Variants in TH observed in about 807,000 individuals in gnomAD.
TH encodes the protein tyrosine 3-monooxygenase.
TH carries 49 observed loss-of-function variants against 57.4 expected under a neutral mutation model. The ratio of observed to expected loss-of-function variants is 0.85; its 90% confidence interval spans 0.68 to 1.08. The LOEUF (loss-of-function observed/expected upper bound fraction) is 1.08. Ranked by LOEUF, TH falls within the 50% of genes least tolerant of loss-of-function variation. The pLI is 0.00. For missense variants in TH, 720 were observed against 696.7 expected, an observed-to-expected ratio of 1.03 and a Z score of -0.38; for synonymous variants, 330 against 304.5, an observed-to-expected ratio of 1.08 and a Z score of -0.87.
rs1846061735 is a variant in TH, at chr11:2,165,434, G to A, written c.1201-69C>T. On this transcript the variant is annotated intron_variant, in intron 11 of 12. Transcript: ENST00000352909. ...TCCCCGAGGGAACTGGGGCACCGTG[G>A]CCTGACGCTGGGTGGGTTCCTTGGG... is the stretch of plus-strand genomic sequence containing the variant. The A allele has an allele frequency of 3.8e-6, 6 of 1,597,664 alleles. No homozygotes were observed. In the South Asian group the frequency reaches 5.5e-5, roughly 15 times the overall value.
Position 2,165,659 on chromosome 11 carries a change from G to C in TH, c.1200+9C>G, listed in dbSNP as rs11564717. 1.2e-6 allele frequency: 2 copies of C among 1,612,442 alleles called. No individual in the cohort carries two copies. The highest frequency in any genetic ancestry group is 1.7e-5 in the Admixed American group (1 of 60,014). ...TCTGCTGGGGGCTGCAGCAAGGAGA[G>C]ACTCTCACCAGGAGCTCCCCGTAGG... is the stretch of plus-strand genomic sequence containing the variant. On this transcript the variant is annotated intron_variant, in intron 11 of 12. Transcript: ENST00000352909.
At chr11:2,165,786 C>G in intron 10 of TH, 23 bp from the exon 11 acceptor site, 1 of 1,607,572 alleles carries the variant, frequency 6.2e-7, no homozygotes, top group Non-Finnish European at 8.5e-7. Context: ...CGGGCAGCAT[C>G]AGCCCAGAGA....
At chr11:2,165,156 C>G in intron 12 of TH, 76 bp downstream of exon 12, 1 of 1,609,048 alleles carries the variant, frequency 6.2e-7, no homozygotes, top group Non-Finnish European at 8.5e-7. Flanking sequence ...TCCAGCCCTG[C>G]TCAAGGCCAG....
chr11:2,167,476 C>T lies in TH; in HGVS notation c.654G>A (p.Pro218=), dbSNP rs1489723629. 1.9e-6 allele frequency: 3 copies of T among 1,561,330 alleles called. No homozygotes were observed. Among genetic ancestry groups the T allele is most frequent in the East Asian group, 2.4e-5 (1 of 42,280 alleles). The change falls in exon 6 of 13, where the codon CCG becomes CCA. Residue 218 remains proline, a synonymous_variant. Transcript: ENST00000352909. ...CGGCGGTGTACTCCACACGGGGAATCGGGTCGCCGCTGGGGAGGGGGCCAG... is the reference window on the plus strand; with the variant it reads ...CGGCGGTGTACTCCACACGGGGAATTGGGTCGCCGCTGGGGAGGGGGCCAG... ...EIAFQYRHGD[P]IPRVEYTAEE... is the part of the protein sequence containing the mutation.
chr11:2,167,207 G>C, intron 6 of TH, 175 bp from the exon 7 acceptor site: 1 of 1,055,984 alleles, frequency 9.5e-7, no homozygotes, highest in Non-Finnish European at 1.4e-6. Flanking sequence ...GGGAATCCCA[G>C]GGGATAGGGG....
intron 12 of TH, 55 bp from the exon 13 acceptor site, chr11:2,164,447 C>A: frequency 6.5e-7 from 1 of 1,536,448 alleles, no homozygotes; most frequent in Non-Finnish European, 8.8e-7. Flanking sequence ...TCTGCAGCCT[C>A]CAGGAGAGGG....
chr11:2,165,122 T>TGCAG (rs2133688506), intron 12 of TH, 110 bp downstream of exon 12: 1 of 1,557,128 alleles, frequency 6.4e-7, no homozygotes, highest in African/African-American at 1.4e-5. Flanking sequence ...GTCGGTTTTC[T>TGCAG]CATCTGTGAC....
Position 2,164,179 on chromosome 11 carries a change from G to T in TH, c.*54C>A. ...AGCCCCTCACCAGGGCCTGAGCTCC[G>T]GGACAGTGCAGGACCAGGGGAGGTT... is the stretch of plus-strand genomic sequence containing the variant. On this transcript the variant is annotated 3_prime_UTR_variant, in exon 13 of 13. Coordinates refer to ENST00000352909, the MANE Select transcript of TH (RefSeq NM_000360.4). The T allele has an allele frequency of 1.5e-6, 2 of 1,346,594 alleles. No individual in the cohort carries two copies. Among genetic ancestry groups the T allele is most frequent in the East Asian group, 2.9e-5 (1 of 34,636 alleles). 83.4% of individuals were successfully genotyped at this position (1,346,594 alleles called of 1,614,324 possible). A position where few individuals can be genotyped will look rare whatever the true frequency, so the allele number is the denominator to read the frequency against.
chr11:2,163,931 G>A lies in TH; in HGVS notation c.*302C>T, dbSNP rs911394125. 2 of 277,496 alleles carry A rather than the reference G, an allele frequency of 7.2e-6. No homozygotes were observed. The allele number at this position is 277,496 out of a possible 1,614,324, so 17.2% of individuals were successfully genotyped here. On this transcript the variant is annotated 3_prime_UTR_variant, in exon 13 of 13. Coordinates refer to ENST00000352909, the MANE Select transcript of TH (RefSeq NM_000360.4). ...ACAGATGTGGGGCCAGGCAGGTGTA[G>A]AGACCACAGTTTCTTTTATTGTGAC... is the stretch of plus-strand genomic sequence containing the variant.
chr11:2,171,804 C>T lies in TH; in HGVS notation c.-18G>A, dbSNP rs370306636. ...GTGGGCATGGCTCAGTGTGGAGGTC[C>T]GGGCTCCGTCTCCACAGCCCTGGCC... On this transcript the variant is annotated 5_prime_UTR_variant, in exon 1 of 13. Transcript: ENST00000352909. This position sits in a 1 kb window ranked among gnomAD's most constrained non-coding sequence, Gnocchi z 8.6. 161 of 1,606,358 alleles carry T rather than the reference C, an allele frequency of 1.0e-4. No homozygotes were observed. The highest frequency in any genetic ancestry group is 1.1e-4 in the Non-Finnish European group (125 of 1,177,642).
Position 2,165,987 on chromosome 11 carries a change from G to T in TH, c.1104+15C>A. On this transcript the variant is annotated intron_variant, in intron 10 of 12. Coordinates refer to ENST00000352909, the MANE Select transcript of TH (RefSeq NM_000360.4). ...AAACCCACACCCCAGGCCCTGCAGG[G>T]AGGGGTCAACCCACCGTGGACAGCT... 6.4e-7 allele frequency: 1 copy of T among 1,559,552 alleles called. No individual in the cohort carries two copies. Among genetic ancestry groups the T allele is most frequent in the Non-Finnish European group, 8.7e-7 (1 of 1,151,848 alleles).
intron 6 of TH, 39 bp from the exon 7 acceptor site, chr11:2,167,071 C>A: frequency 6.4e-7 from 1 of 1,556,570 alleles, no homozygotes; most frequent in East Asian, 2.4e-5. Flanking sequence ...AATGCCCCAC[C>A]CCAGTGCCCG....
At position 2,171,101 on chromosome 11, in the gene TH, A is replaced by G. The variant is rs539910491; in HGVS notation, c.90+596T>C. Among the ~76,000 whole-genome samples, 1 of 91,320 alleles carries G rather than the reference A, an allele frequency of 1.1e-5. No homozygotes were observed. Among genetic ancestry groups the G allele is most frequent in the African/African-American group, 3.0e-5 (1 of 33,806 alleles). 59.9% of individuals were successfully genotyped at this position (91,320 alleles called of 152,430 possible). On this transcript the variant is annotated intron_variant, in intron 1 of 12. Coordinates refer to ENST00000352909, the MANE Select transcript of TH (RefSeq NM_000360.4). The surrounding 1 kb of genome is among the most constrained non-coding windows in gnomAD (Gnocchi z 8.6). ...GACTCCATGGTGAATGAATGAATGA[A>G]TGAATGAATGAATGAGGGAAATAAG...
At position 2,167,458 on chromosome 11, in the gene TH, G is replaced by A. The variant is rs1554923218; in HGVS notation, c.672C>T (p.Tyr224=). The change falls in exon 6 of 13, where the codon TAC becomes TAT. Residue 224 remains tyrosine, a synonymous_variant. Transcript: ENST00000352909. ...ACCAGGTGGCAATCTCCTCGGCGGT[G>A]TACTCCACACGGGGAATCGGGTCGC... is the stretch of plus-strand genomic sequence containing the variant. ...RHGDPIPRVE[Y]TAEEIATWKE... is the part of the protein sequence containing the mutation. The A allele has an allele frequency of 6.4e-7, 1 of 1,564,340 alleles. No individual in the cohort carries two copies. The highest frequency in any genetic ancestry group is 8.7e-7 in the Non-Finnish European group (1 of 1,154,424).
In TH at chr11:2,170,600, A is replaced by G; in HGVS notation, c.91-729T>C. 2 of 1,180,904 alleles carry G rather than the reference A, an allele frequency of 1.7e-6. No individual in the cohort carries two copies. Among genetic ancestry groups the G allele is most frequent in the Admixed American group, 2.0e-5 (1 of 50,634 alleles). The allele number at this position is 1,180,904 out of a possible 1,614,324, so 73.2% of individuals were successfully genotyped here. On this transcript the variant is annotated intron_variant, in intron 1 of 12. Coordinates refer to ENST00000352909, the MANE Select transcript of TH (RefSeq NM_000360.4). This position sits in a 1 kb window ranked among gnomAD's most constrained non-coding sequence, Gnocchi z 6.0. The stretch of plus-strand genomic sequence containing the variant: ...CCAAGAAGGCTCTGGGCCCCTTGTA[A>G]GAGAAGAATCAGCTTCATCCTGAGC...
rs2133688882 is a variant in TH, at chr11:2,165,258, G to A, written c.1308C>T (p.Ser436=). ...TGAGCTTGTCCTTGGCGTCACTGAA[G>A]CTCTCAGACACGAAGTAGACTGACT... ...TYQSVYFVSE[S]FSDAKDKLRS... Residue 436 remains serine (S), a synonymous_variant, in exon 12 of 13, where the codon AGC becomes AGT. Coordinates refer to ENST00000352909, the MANE Select transcript of TH (RefSeq NM_000360.4). 1.2e-6 allele frequency: 2 copies of A among 1,612,930 alleles called. No individual in the cohort carries two copies. Among genetic ancestry groups the A allele is most frequent in the South Asian group, 1.1e-5 (1 of 91,090 alleles).
rs774199070 is a variant in TH, at chr11:2,169,816, C to T, written c.146G>A (p.Arg49Gln). ...GGCCGCTGCTGCCACCGCCGCCTCC[C>T]GCTCCTTGCGGGCGTCCTCGATGAG... Reference protein sequence around the residue: ...QSLIEDARKEREAAVAAAAAA... With the variant: ...QSLIEDARKEQEAAVAAAAAA... The change falls in exon 2 of 13, where the codon CGG (arginine) becomes CAG (glutamine). Residue 49 changes from arginine (R) to glutamine (Q), a missense_variant. Arg to Gln is a conservative substitution (Grantham distance 43, BLOSUM62 1). Transcript: ENST00000352909. 5 of 1,611,102 alleles carry T rather than the reference C, an allele frequency of 3.1e-6. No individual in the cohort carries two copies. Among genetic ancestry groups the T allele is most frequent in the Non-Finnish European group, 4.2e-6 (5 of 1,179,616 alleles).
rs1191516410 is a variant in TH at position 2,167,938 on chromosome 11, G to A, written c.577-5C>T. Reference sequence around the variant, plus strand: ...GTACACCTGGTCCGAGAAGCCCTGAGGGCAGAGGGGATGCACGGGTCAGGA... The same window carrying A: ...GTACACCTGGTCCGAGAAGCCCTGAAGGCAGAGGGGATGCACGGGTCAGGA... On this transcript the variant is annotated splice_polypyrimidine_tract_variant and splice_region_variant and intron_variant, in intron 4 of 12. Transcript: ENST00000352909. 1 of 1,611,552 alleles carries A rather than the reference G, an allele frequency of 6.2e-7. No individual in the cohort carries two copies.
At position 2,167,978 on chromosome 11, in the gene TH, G is replaced by C. The variant is rs753414287; in HGVS notation, c.577-45C>G. 83 of 1,608,802 alleles carry C rather than the reference G, an allele frequency of 5.2e-5. 1 individual carries two copies. In the South Asian group the frequency reaches 7.8e-4, roughly 15 times the overall value. ...ACGGGTCAGGAGGCTGTGCTGGGGTGGGGGCACAGGCCACGGAGGCTCCTG... is the reference window on the plus strand; with the variant it reads ...ACGGGTCAGGAGGCTGTGCTGGGGTCGGGGCACAGGCCACGGAGGCTCCTG... On this transcript the variant is annotated intron_variant, in intron 4 of 12. Transcript: ENST00000352909.
Sources: gnomAD v4.1 joint callset for allele counts (sites outside exome capture counted in the v4.1 genomes callset) on GRCh38, gnomAD v4.1.1 for gene constraint, Gnocchi (gnomAD v3.1) non-coding constraint, MANE v1.5 for transcripts, NCBI Gene and HGNC (gene_info 2026-07-23, HGNC 2026-07-21) for gene names.